Variants in PKP4 observed in about 807,000 individuals in gnomAD.
PKP4 encodes the protein plakophilin 4.
A neutral mutation model predicts 145.1 loss-of-function variants in PKP4; 90 were observed. The observed-to-expected ratio is 0.62, with a 90% CI of 0.52 to 0.74. PKP4 has a LOEUF of 0.74. Ranked by LOEUF, PKP4 falls within the 30% of genes least tolerant of loss-of-function variation. PKP4 has a pLI of 0.00. For missense variants in PKP4, 1,340 were observed against 1,482.7 expected (o/e 0.90, Z 1.58); for synonymous variants, 563 against 577.2 (o/e 0.98, Z 0.35).
rs141694864 is a variant in PKP4, at chr2:158,680,672, G to A, written c.3574G>A (p.Val1192Met). 2 of 1,606,730 alleles carry A rather than the reference G, an allele frequency of 1.2e-6. No homozygotes were observed. The highest frequency in any genetic ancestry group is 1.7e-6 in the Non-Finnish European group (2 of 1,177,364). Residue 1192 changes from valine (V) to methionine (M), a missense_variant, in exon 22 of 22, where the codon GTG becomes ATG. Val to Met is a conservative substitution (Grantham distance 21, BLOSUM62 1). Coordinates refer to ENST00000389759, the MANE Select transcript of PKP4 (RefSeq NM_003628.6). The stretch of plus-strand genomic sequence containing the variant: ...GTACCCAGGGTCCCCAGACTCATGG[G>A]TGTAGCATCAAGATGCCCAACAGAG... The part of the protein sequence containing the change: ...EQYPGSPDSW[V>M]
intron 2 of PKP4, among the ~76,000 whole-genome samples, chr2:158,563,702 T>G (rs992313111): frequency 8.2e-6 from 1 of 122,006 alleles, no homozygotes; most frequent in African/African-American, 2.8e-5. Context: ...CAGGTAGGTA[T>G]GTAATATTTA....
At chr2:158,661,629 A>C (rs2056593325) in intron 13 of PKP4, 179 bp downstream of exon 13, 3 of 507,740 alleles carry the variant, frequency 5.9e-6, no homozygotes, top group Non-Finnish European at 1.1e-5. Context: ...CAACTTAAGA[A>C]AATATCCTGA....
rs185007836 is a variant in PKP4, at chr2:158,511,343, G to A, written c.-5-21837G>A. On this transcript the variant is annotated intron_variant, in intron 1 of 21. Transcript: ENST00000389759. ...GGAGGTTGCAGTGAGCCAAGATTGC[G>A]CCACTGTACTCCAGCCTCGGGGGGA... is the stretch of plus-strand genomic sequence containing the variant. Among the ~76,000 whole-genome samples, 194 of 152,110 alleles carry A rather than the reference G, an allele frequency of 1.3e-3. 4 individuals carry two copies. The highest frequency in any genetic ancestry group is 0.011 in the South Asian group (51 of 4,804).
chr2:158,606,939 G>A (rs992246367), intron 4 of PKP4, among the ~76,000 whole-genome samples: 1 of 151,938 alleles, frequency 6.6e-6, no homozygotes, highest in Non-Finnish European at 1.5e-5. Context: ...AAGTATATAC[G>A]TATTTACCCA....
In PKP4 at chr2:158,680,929, C is replaced by T. The variant is rs191215473; in HGVS notation, c.*252C>T. ...TGTAGTCTGGTGAAGGTGTGGGTGA[C>T]GTGATGAGAGGTTTGAGAAATGGGT... is the stretch of plus-strand genomic sequence containing the variant. On this transcript the variant is annotated 3_prime_UTR_variant, in exon 22 of 22. Transcript: ENST00000389759. The T allele has an allele frequency of 2.7e-4, 100 of 373,534 alleles. No homozygotes were observed. The highest frequency in any genetic ancestry group is 4.3e-4 in the Non-Finnish European group (90 of 209,442). 23.1% of individuals were successfully genotyped at this position (373,534 alleles called of 1,614,324 possible).
intron 1 of PKP4, among the ~76,000 whole-genome samples, chr2:158,463,316 C>T (rs965689148): frequency 6.6e-6 from 1 of 150,974 alleles, no homozygotes; most frequent in South Asian, 2.1e-4. Flanking sequence ...ATGAATAAAG[C>T]GTTAGAAAGT....
chr2:158,472,548 G>T (rs1263539065), intron 1 of PKP4, among the ~76,000 whole-genome samples: 1 of 144,922 alleles, frequency 6.9e-6, no homozygotes, highest in African/African-American at 2.6e-5. Flanking sequence ...GGGAGGTGGA[G>T]CTTGCAGTGA....
intron 3 of PKP4, among the ~76,000 whole-genome samples, chr2:158,587,109 AG>A (rs2048866485): frequency 6.6e-6 from 1 of 152,214 alleles, no homozygotes. Flanking sequence ...TGGATAATGC[AG>A]TTAGGAAGAA....
At chr2:158,499,601 A>G (rs1199720342) in intron 1 of PKP4, among the ~76,000 whole-genome samples, 1 of 152,194 alleles carries the variant, frequency 6.6e-6, no homozygotes, top group Non-Finnish European at 1.5e-5. Flanking sequence ...CTGGAGGAAC[A>G]CATATTTGTG....
chr2:158,519,961 T>A (rs1238664578), intron 1 of PKP4, among the ~76,000 whole-genome samples: 2 of 152,044 alleles, frequency 1.3e-5, no homozygotes, highest in Non-Finnish European at 2.9e-5. Context: ...TATGGTGCTA[T>A]AAAGGATCCT....
chr2:158,654,091 A>G (rs2055666198), intron 11 of PKP4, among the ~76,000 whole-genome samples: 1 of 152,244 alleles, frequency 6.6e-6, no homozygotes, highest in Admixed American at 6.5e-5. Flanking sequence ...TTTATTGACT[A>G]GAGCTGGTTG....
intron 11 of PKP4, among the ~76,000 whole-genome samples, chr2:158,648,466 T>C (rs565860789): frequency 9.4e-4 from 143 of 152,350 alleles, no homozygotes; most frequent in Non-Finnish European, 1.5e-3. Flanking sequence ...TTAGTGGACA[T>C]GCCTTTTGGA....
intron 4 of PKP4, among the ~76,000 whole-genome samples, chr2:158,607,006 G>GT (rs1380513729): frequency 1.3e-5 from 2 of 152,154 alleles, no homozygotes; most frequent in Non-Finnish European, 2.9e-5. Context: ...TTAAATAACA[G>GT]TGTGGTAACC....
At chr2:158,508,408 A>G (rs944589491) in intron 1 of PKP4, among the ~76,000 whole-genome samples, 6 of 151,058 alleles carry the variant, frequency 4.0e-5, no homozygotes, top group Non-Finnish European at 5.9e-5. Context: ...GATGCCAGTG[A>G]AGGAAAGTTA....
chr2:158,477,979 A>C (rs1055505393), intron 1 of PKP4, among the ~76,000 whole-genome samples: 53 of 152,206 alleles, frequency 3.5e-4, no homozygotes, highest in African/African-American at 1.2e-3. Flanking sequence ...TAAGCCAGGG[A>C]CAAGGTTTAT....
At chr2:158,523,102 C>G (rs915473325) in intron 1 of PKP4, among the ~76,000 whole-genome samples, 3 of 152,114 alleles carry the variant, frequency 2.0e-5, no homozygotes, top group African/African-American at 7.2e-5. Context: ...AAAGCAGCCT[C>G]AAAGCTACAA....
intron 1 of PKP4, among the ~76,000 whole-genome samples, chr2:158,486,353 C>A (rs2105450490): frequency 6.6e-6 from 1 of 152,258 alleles, no homozygotes; most frequent in South Asian, 2.1e-4. Context: ...AAGAAATTTA[C>A]ACAGCATATG....
intron 1 of PKP4, among the ~76,000 whole-genome samples, chr2:158,459,191 A>G (rs1689379365): frequency 6.6e-6 from 1 of 150,714 alleles, no homozygotes; most frequent in Admixed American, 6.7e-5. Context: ...CCTGTGAAAC[A>G]GTTATGGAAA....
intron 2 of PKP4, among the ~76,000 whole-genome samples, chr2:158,533,786 G>C (rs2043795758): frequency 6.6e-6 from 1 of 152,182 alleles, no homozygotes; most frequent in Non-Finnish European, 1.5e-5. Context: ...TTCATTTTGT[G>C]AGCTAATGTT....
Sources: gnomAD v4.1 joint callset for allele counts (sites outside exome capture counted in the v4.1 genomes callset) on GRCh38, gnomAD v4.1.1 for gene constraint, MANE v1.5 for transcripts, NCBI Gene and HGNC (gene_info 2026-07-23, HGNC 2026-07-21) for gene names.